The following BNC2 variants were observed in gnomAD, a reference collection of about 807,000 sequenced individuals.
The protein encoded by BNC2 is zinc finger protein basonuclin-2.
In BNC2, 20 loss-of-function variants were observed where a neutral mutation model predicts 76.3. The observed-to-expected ratio is 0.26, with a 90% confidence interval of 0.18 to 0.38. BNC2 has a LOEUF of 0.38. Among genes scored for constraint, BNC2 ranks in the 10% least tolerant of loss-of-function variants. BNC2 has a pLI of 1.00. For synonymous variants in BNC2, 582 were observed against 514.8 expected (o/e 1.13, Z -1.77); for missense variants, 1,382 against 1,399.8 (o/e 0.99, Z 0.20).
intron 5 of BNC2, among the ~76,000 whole-genome samples, chr9:16,464,371 A>AT (rs1381378161): frequency 1.3e-5 from 2 of 151,998 alleles, no homozygotes; most frequent in African/African-American, 4.8e-5. Context: ...TACCCATATT[A>AT]TTTTTTAATA....
At chr9:16,797,462 A>T (rs991228035) in intron 1 of BNC2, among the ~76,000 whole-genome samples, 5 of 152,188 alleles carry the variant, frequency 3.3e-5, no homozygotes, top group Non-Finnish European at 7.3e-5. Context: ...GAATCTCATT[A>T]TGACTTCACC....
At chr9:16,869,221 A>AC in intron 1 of BNC2, among the ~76,000 whole-genome samples, 1 of 44,148 alleles carries the variant, frequency 2.3e-5, no homozygotes, top group Admixed American at 1.6e-4. Flanking sequence ...CGAAGTATAT[A>AC]AAAATAAAAC....
intron 5 of BNC2, among the ~76,000 whole-genome samples, chr9:16,512,707 GA>G (rs1310175028): frequency 6.6e-6 from 1 of 152,092 alleles, no homozygotes; most frequent in Non-Finnish European, 1.5e-5. Flanking sequence ...AAACTAGTAA[GA>G]ATCTTTTTGA....
At chr9:16,467,689 G>A (rs1052787667) in intron 5 of BNC2, among the ~76,000 whole-genome samples, 119 of 142,594 alleles carry the variant, frequency 8.3e-4, no homozygotes, top group African/African-American at 3.0e-3. Flanking sequence ...TGGTGGGGTC[G>A]TGGGAGGGGG....
In BNC2 at chr9:16,725,057, C is replaced by G. The variant is rs1034133208; in HGVS notation, c.330+2740G>C. On this transcript the variant is annotated intron_variant, in intron 3 of 6. Coordinates refer to ENST00000380672, the MANE Select transcript of BNC2 (RefSeq NM_017637.6). Reference sequence around the variant, plus strand: ...ATAATCTAGAGAAACCTCTTTATGCCTCAGCAATGAGATGTACAGAATTCT... The same window carrying G: ...ATAATCTAGAGAAACCTCTTTATGCGTCAGCAATGAGATGTACAGAATTCT... Among the ~76,000 whole-genome samples, 2 of 151,868 alleles carry G rather than the reference C, an allele frequency of 1.3e-5. 1 individual carries two copies. Among genetic ancestry groups the G allele is most frequent in the East Asian group, 3.9e-4 (2 of 5,186 alleles).
Position 16,411,812 on chromosome 9 carries a change from GCTGA to G in BNC2, c.*7173_*7176del, listed in dbSNP as rs771631736. On this transcript the variant is annotated 3_prime_UTR_variant, in exon 7 of 7. Coordinates refer to ENST00000380672, the MANE Select transcript of BNC2 (RefSeq NM_017637.6). ...CCGATACCTGCACGTGTCTTACCTG[GCTGA>G]CTAATATCTTACTGAAATGTGACTG... The G allele has an allele frequency of 7.2e-5, 11 of 152,278 alleles. No homozygotes were observed. The highest frequency in any genetic ancestry group is 1.5e-4 in the Non-Finnish European group (10 of 68,038). 9.4% of individuals were successfully genotyped at this position (152,278 alleles called of 1,614,324 possible).
chr9:16,464,646 T>C (rs1821665564), intron 5 of BNC2, among the ~76,000 whole-genome samples: 1 of 152,180 alleles, frequency 6.6e-6, no homozygotes, highest in Non-Finnish European at 1.5e-5. Context: ...TTAATTTTTG[T>C]CTCGGGTTCA....
chr9:16,757,190 A>T (rs1825411115), intron 1 of BNC2, among the ~76,000 whole-genome samples: 2 of 152,242 alleles, frequency 1.3e-5, no homozygotes, highest in Admixed American at 1.3e-4. Context: ...ATGTTCCAAC[A>T]TACTAGCCAT....
At chr9:16,672,225 C>T (rs1447279903) in intron 3 of BNC2, among the ~76,000 whole-genome samples, 1 of 152,138 alleles carries the variant, frequency 6.6e-6, no homozygotes, top group Non-Finnish European at 1.5e-5. Context: ...TGGCCGGACG[C>T]GGTGGCTCAT....
chr9:16,603,221 T>C (rs1174700875), intron 3 of BNC2, among the ~76,000 whole-genome samples: 1 of 152,220 alleles, frequency 6.6e-6, no homozygotes, highest in African/African-American at 2.4e-5. Context: ...CACTAGCAGA[T>C]AAGTCAGGGC....
At chr9:16,675,324 G>A (rs1822606656) in intron 3 of BNC2, among the ~76,000 whole-genome samples, 1 of 151,648 alleles carries the variant, frequency 6.6e-6, no homozygotes, top group Admixed American at 6.6e-5. Context: ...ATGTGATATC[G>A]ACTCACCACA....
At chr9:16,672,114 T>A (rs749973447) in intron 3 of BNC2, among the ~76,000 whole-genome samples, 12 of 152,070 alleles carry the variant, frequency 7.9e-5, no homozygotes, top group Non-Finnish European at 1.2e-4. Flanking sequence ...TAATCACAGG[T>A]GAAACAGGGA....
chr9:16,544,230 T>C (rs117144692), intron 5 of BNC2, among the ~76,000 whole-genome samples: 5,600 of 152,292 alleles, frequency 0.037, 137 homozygotes, highest in Middle Eastern at 0.088. Context: ...TATATACCAA[T>C]AAATCAATTT....
chr9:16,627,355 G>A (rs1204005294), intron 3 of BNC2, among the ~76,000 whole-genome samples: 1 of 152,188 alleles, frequency 6.6e-6, no homozygotes, highest in Non-Finnish European at 1.5e-5. Flanking sequence ...AAATGTCAAA[G>A]CATATTCCTA....
Position 16,537,261 on chromosome 9 carries a change from C to T in BNC2, c.669+15269G>A, listed in dbSNP as rs77058261. ...CTTTAGGACTATCTTTTGATGTACA[C>T]TGTAAAAGTCTGGTGTTATGAAATG... On this transcript the variant is annotated intron_variant, in intron 5 of 6. Transcript: ENST00000380672. Among the ~76,000 whole-genome samples the T allele has an allele frequency of 2.9e-3, 447 of 152,188 alleles. 1 individual carries two copies. Among genetic ancestry groups the T allele is most frequent in the Non-Finnish European group, 4.9e-3 (335 of 67,966 alleles).
chr9:16,443,756 C>A (rs943666260), intron 5 of BNC2, among the ~76,000 whole-genome samples: 1 of 152,080 alleles, frequency 6.6e-6, no homozygotes, highest in Non-Finnish European at 1.5e-5. Flanking sequence ...GACATACATA[C>A]GCTACTGTTC....
chr9:16,782,242 G>A (rs1352016404), intron 1 of BNC2, among the ~76,000 whole-genome samples: 1 of 151,852 alleles, frequency 6.6e-6, no homozygotes, highest in Non-Finnish European at 1.5e-5. Context: ...CCGAGATTGT[G>A]CCACTGCACT....
intron 3 of BNC2, among the ~76,000 whole-genome samples, chr9:16,588,460 G>C (rs978772802): frequency 6.6e-6 from 1 of 152,074 alleles, no homozygotes; most frequent in Non-Finnish European, 1.5e-5. Flanking sequence ...GTTCAGAAAC[G>C]TTTATGTGTT....
intron 1 of BNC2, among the ~76,000 whole-genome samples, chr9:16,752,131 C>T (rs1030662290): frequency 2.6e-5 from 4 of 152,178 alleles, no homozygotes; most frequent in African/African-American, 7.2e-5. Flanking sequence ...TAAGAAATTA[C>T]GTCTTTTAAA....
Sources: gnomAD v4.1 joint callset for allele counts (sites outside exome capture counted in the v4.1 genomes callset) on GRCh38, gnomAD v4.1.1 for gene constraint, MANE v1.5 for transcripts, NCBI Gene and HGNC (gene_info 2026-07-23, HGNC 2026-07-21) for gene names.